The following CSMD1 variants were observed in gnomAD, a reference collection of about 807,000 sequenced individuals.
The protein encoded by CSMD1 is CUB and Sushi multiple domains 1.
Under a neutral mutation model 417.5 loss-of-function variants are expected in CSMD1, and 213 were observed. The ratio of observed to expected loss-of-function variants is 0.51; its 90% CI spans 0.46 to 0.57. The LOEUF (loss-of-function observed/expected upper bound fraction) is 0.57, where lower values mean the gene tolerates loss of function less well. CSMD1 is among the 20% of genes least tolerant of loss of function. The pLI, the probability that CSMD1 is intolerant of heterozygous loss-of-function variation, is 0.00. For synonymous variants in CSMD1, 2,862 were observed against 1,736.8 expected (o/e 1.65, Z -16.11); for missense variants, 6,923 against 4,529.7 (o/e 1.53, Z -15.17).
chr8:4,502,600 T>G (rs1248322487), intron 2 of CSMD1, among the ~76,000 whole-genome samples: 2 of 152,202 alleles, frequency 1.3e-5, no homozygotes, highest in Non-Finnish European at 2.9e-5. Context: ...ACTCCTCATT[T>G]TAAAAAAGGA....
At chr8:4,131,467 A>C (rs1364747906) in intron 3 of CSMD1, among the ~76,000 whole-genome samples, 1 of 152,210 alleles carries the variant, frequency 6.6e-6, no homozygotes, top group African/African-American at 2.4e-5. Flanking sequence ...CTTCTTAAAA[A>C]ATAAAAGTTT....
At chr8:4,431,284 TATC>T (rs1243469681) in intron 2 of CSMD1, among the ~76,000 whole-genome samples, 1 of 152,208 alleles carries the variant, frequency 6.6e-6, no homozygotes, top group African/African-American at 2.4e-5. Context: ...AAATTTATTT[TATC>T]ATATCTCACA....
In CSMD1 at chr8:4,815,733, C is replaced by G. The variant is rs561062170; in HGVS notation, c.86-178175G>C. Among the ~76,000 whole-genome samples, 122 of 139,950 alleles carry G rather than the reference C, an allele frequency of 8.7e-4. 1 individual carries two copies. The highest frequency in any genetic ancestry group is 2.7e-3 in the African/African-American group (103 of 37,928). 91.8% of individuals were successfully genotyped at this position (139,950 alleles called of 152,430 possible). A position where few individuals can be genotyped will look rare whatever the true frequency, so the allele number is the denominator to read the frequency against. ...AAAAAAAAAAAGAAGAGAAAGGAAACCTTTAAATCTTTTTAAAAGGAGTTT... is the reference window on the plus strand; with the variant it reads ...AAAAAAAAAAAGAAGAGAAAGGAAAGCTTTAAATCTTTTTAAAAGGAGTTT... On this transcript the variant is annotated intron_variant, in intron 1 of 69. Transcript: ENST00000635120.
intron 41 of CSMD1, among the ~76,000 whole-genome samples, chr8:3,124,669 G>T (rs1043320761): frequency 6.6e-6 from 1 of 151,960 alleles, no homozygotes; most frequent in Admixed American, 6.6e-5. Flanking sequence ...TCACACTCTC[G>T]CCACCTCCTA....
chr8:4,915,945 C>A (rs969427753), intron 1 of CSMD1, among the ~76,000 whole-genome samples: 1 of 152,190 alleles, frequency 6.6e-6, no homozygotes, highest in African/African-American at 2.4e-5. Context: ...CAAGTGGCAT[C>A]TCTTCCACAG....
intron 3 of CSMD1, among the ~76,000 whole-genome samples, chr8:4,317,118 C>A (rs557901702): frequency 2.6e-4 from 40 of 152,284 alleles, no homozygotes; most frequent in African/African-American, 9.4e-4. Context: ...ACTGGCCAAG[C>A]ACATCATCAT....
chr8:3,758,003 A>G (rs1677123071), intron 5 of CSMD1, among the ~76,000 whole-genome samples: 2 of 151,860 alleles, frequency 1.3e-5, no homozygotes, highest in African/African-American at 4.8e-5. Context: ...TTGCTCTGTC[A>G]CCCAGGCTGG....
At chr8:3,441,055 A>C (rs992283876) in intron 12 of CSMD1, among the ~76,000 whole-genome samples, 1 of 152,176 alleles carries the variant, frequency 6.6e-6, no homozygotes, top group Non-Finnish European at 1.5e-5. Flanking sequence ...CCTTTGTATG[A>C]AACACATAGA....
At chr8:3,127,959 A>AGAAGG (rs1817597983) in intron 41 of CSMD1, 1 of 107,170 alleles carries the variant, frequency 9.3e-6, no homozygotes, top group Non-Finnish European at 1.7e-5. Context: ...AAGGAAGGAA[A>AGAAGG]GAGGGAGGGA....
intron 26 of CSMD1, among the ~76,000 whole-genome samples, chr8:3,261,140 A>G (rs1252076419): frequency 6.6e-6 from 1 of 152,230 alleles, no homozygotes; most frequent in Non-Finnish European, 1.5e-5. Flanking sequence ...AGCACACTTA[A>G]ATTTAAAATT....
intron 2 of CSMD1, among the ~76,000 whole-genome samples, chr8:4,572,393 C>T (rs911970311): frequency 7.2e-5 from 11 of 152,140 alleles, no homozygotes; most frequent in Non-Finnish European, 1.5e-4. Flanking sequence ...TTTGGCTGGA[C>T]ATGAAATTCT....
intron 4 of CSMD1, among the ~76,000 whole-genome samples, chr8:3,999,792 G>T (rs1443048983): frequency 1.3e-5 from 2 of 152,144 alleles, no homozygotes; most frequent in African/African-American, 2.4e-5. Flanking sequence ...ACGAAATCAA[G>T]ACTACATGAG....
intron 2 of CSMD1, among the ~76,000 whole-genome samples, chr8:4,541,156 G>A (rs755759356): frequency 2.6e-5 from 4 of 152,072 alleles, no homozygotes; most frequent in Non-Finnish European, 5.9e-5. Flanking sequence ...AGCCAATAGT[G>A]GTGCCAGGGC....
At chr8:3,201,474 T>C (rs1585638453) in intron 32 of CSMD1, 138 bp downstream of exon 32, 3 of 464,094 alleles carry the variant, frequency 6.5e-6, no homozygotes, top group East Asian at 3.3e-5. Context: ...TAAAATAAGA[T>C]TTTTCTAAGC....
chr8:4,806,453 C>T (rs1475295231), intron 1 of CSMD1, among the ~76,000 whole-genome samples: 17 of 152,178 alleles, frequency 1.1e-4, no homozygotes, highest in Admixed American at 9.8e-4. Flanking sequence ...AACACCCTGC[C>T]TGCTTCCCAC....
chr8:4,393,877 C>A (rs1804027751), intron 3 of CSMD1, among the ~76,000 whole-genome samples: 1 of 152,174 alleles, frequency 6.6e-6, no homozygotes, highest in Non-Finnish European at 1.5e-5. Flanking sequence ...ACGGAACAAC[C>A]ATGAGACATA....
At chr8:3,611,372 A>G (rs1801885905) in intron 8 of CSMD1, among the ~76,000 whole-genome samples, 1 of 152,164 alleles carries the variant, frequency 6.6e-6, no homozygotes, top group Non-Finnish European at 1.5e-5. Flanking sequence ...GGAGGAACAA[A>G]CATCTATGTA....
chr8:4,298,434 G>C (rs1240615247), intron 3 of CSMD1, among the ~76,000 whole-genome samples: 1 of 152,054 alleles, frequency 6.6e-6, no homozygotes, highest in Non-Finnish European at 1.5e-5. Context: ...ATACAAAGTT[G>C]TGAATAATTC....
At chr8:3,478,482 C>G (rs1015778331) in intron 11 of CSMD1, among the ~76,000 whole-genome samples, 2 of 152,108 alleles carry the variant, frequency 1.3e-5, no homozygotes, top group African/African-American at 4.8e-5. Flanking sequence ...GATAATGGCA[C>G]AAGAAGCTAC....
Sources: allele counts gnomAD v4.1 joint callset (sites outside exome capture counted in the v4.1 genomes callset), GRCh38; gene constraint gnomAD v4.1.1; transcripts MANE v1.5; gene names NCBI Gene and HGNC (gene_info 2026-07-23, HGNC 2026-07-21).